GRM5: variants seen among roughly 807,000 people sequenced by gnomAD.
GRM5 encodes glutamate metabotropic receptor 5.
In GRM5, 19 loss-of-function variants were observed where a neutral mutation model predicts 83.1. That is an observed-to-expected ratio of 0.23 (90% CI 0.16 to 0.34). The LOEUF is 0.34. GRM5 is among the 10% of genes least tolerant of loss of function. The probability of loss-of-function intolerance (pLI) is 1.00; values close to 1 mark genes in which losing one functional copy is unlikely to be tolerated. For synonymous variants in GRM5, 675 were observed against 633.6 expected (o/e 1.07, Z -0.98); for missense variants, 1,160 against 1,588.3 (o/e 0.73, Z 4.58).
chr11:88,688,206 C>T (rs1179545605), intron 3 of GRM5, among the ~76,000 whole-genome samples: 3 of 152,084 alleles, frequency 2.0e-5, no homozygotes, highest in African/African-American at 4.8e-5. Flanking sequence ...AATATTTAAA[C>T]TCAGAATCAG....
chr11:88,563,934 A>C (rs1942814711), intron 8 of GRM5, among the ~76,000 whole-genome samples: 1 of 152,154 alleles, frequency 6.6e-6, no homozygotes, highest in African/African-American at 2.4e-5. Flanking sequence ...GAGAAGAAAT[A>C]TTTAGTTTTG....
rs552549112 is a variant in GRM5, at chr11:88,919,932, G to A, written c.662-69777C>T. Among the ~76,000 whole-genome samples, 3 of 151,904 alleles carry A rather than the reference G, an allele frequency of 2.0e-5. No homozygotes were observed. In the South Asian group the frequency reaches 6.2e-4, roughly 32 times the overall value. On this transcript the variant is annotated intron_variant, in intron 2 of 9. Transcript: ENST00000305447. ...AAGAGGAAAGTTTATACCAATAAGT[G>A]CCTACATTAAAAAGGCATATAAATT...
chr11:88,720,912 T>C (rs57651366), intron 3 of GRM5, among the ~76,000 whole-genome samples: 3,662 of 151,314 alleles, frequency 0.024, 145 homozygotes, highest in African/African-American at 0.082. Flanking sequence ...TCCAGTAAGG[T>C]TCACAATATC....
chr11:88,688,283 A>G (rs992647759), intron 3 of GRM5, among the ~76,000 whole-genome samples: 2 of 152,198 alleles, frequency 1.3e-5, no homozygotes, highest in African/African-American at 4.8e-5. Context: ...ACAACTAGTT[A>G]TTATATAATC....
chr11:88,798,231 A>G (rs1943320153), intron 3 of GRM5, among the ~76,000 whole-genome samples: 1 of 152,210 alleles, frequency 6.6e-6, no homozygotes. Context: ...ATCATTGGAT[A>G]TGACAATATC....
At chr11:88,915,893 G>C (rs1318184370) in intron 2 of GRM5, among the ~76,000 whole-genome samples, 1 of 152,088 alleles carries the variant, frequency 6.6e-6, no homozygotes, top group African/African-American at 2.4e-5. Context: ...AAAACTGAAG[G>C]CCGAATAGTC....
intron 3 of GRM5, among the ~76,000 whole-genome samples, chr11:88,762,407 G>A (rs1264573933): frequency 2.0e-5 from 3 of 151,858 alleles, no homozygotes; most frequent in African/African-American, 7.3e-5. Flanking sequence ...ATACATATTT[G>A]CAGCCAACAA....
chr11:89,035,300 A>G (rs1418659639), intron 2 of GRM5, among the ~76,000 whole-genome samples: 1 of 151,794 alleles, frequency 6.6e-6, no homozygotes, highest in Non-Finnish European at 1.5e-5. Context: ...GTACTTCAGT[A>G]TGTCTTACTT....
At chr11:88,630,463 T>A (rs1361751446) in intron 4 of GRM5, among the ~76,000 whole-genome samples, 1 of 151,904 alleles carries the variant, frequency 6.6e-6, no homozygotes, top group Non-Finnish European at 1.5e-5. Context: ...AAGTACTAGA[T>A]CATATATTTG....
rs747250561 is a variant in GRM5, at chr11:88,603,635, G to GA, written c.1394+1082dup. Among the ~76,000 whole-genome samples, 1,021 of 151,152 alleles carry GA rather than the reference G, an allele frequency of 6.8e-3. 9 individuals carry two copies. The highest frequency in any genetic ancestry group is 0.018 in the African/African-American group (758 of 41,472). On this transcript the variant is annotated intron_variant, in intron 5 of 9. Coordinates refer to ENST00000305447, the MANE Select transcript of GRM5 (RefSeq NM_001143831.3). ...CAATATTCTTCAAGTCTCTGGAATAGAAGAAAAAAAACCTGGGTTTTCACT... is the reference window on the plus strand; with the variant it reads ...CAATATTCTTCAAGTCTCTGGAATAGAAAGAAAAAAAACCTGGGTTTTCACT...
intron 2 of GRM5, among the ~76,000 whole-genome samples, chr11:88,889,121 C>A (rs1047566444): frequency 4.6e-5 from 7 of 152,154 alleles, no homozygotes; most frequent in African/African-American, 1.7e-4. Context: ...AAGCACTAAT[C>A]TTGAGGGCTA....
rs1017778317 is a variant in GRM5, at chr11:88,655,873, G to A, written c.912-2470C>T. 2.6e-5 allele frequency among the ~76,000 whole-genome samples: 4 copies of A among 151,922 alleles called. No individual in the cohort carries two copies. The South Asian group carries it at 8.3e-4, about 32-fold the overall frequency. ...TCCCAATATCTATGTGACAAAACAG[G>A]GTCATTCTATTTAAATTTTTGGATA... is the stretch of plus-strand genomic sequence containing the variant. On this transcript the variant is annotated intron_variant, in intron 3 of 9. Coordinates refer to ENST00000305447, the MANE Select transcript of GRM5 (RefSeq NM_001143831.3).
intron 3 of GRM5, among the ~76,000 whole-genome samples, chr11:88,825,434 T>C (rs72952913): frequency 0.048 from 7,348 of 152,272 alleles, 255 homozygotes; most frequent in Non-Finnish European, 0.079. Flanking sequence ...CCAGAGACAG[T>C]CTTTACTTTC....
At chr11:88,804,084 A>G (rs1327455795) in intron 3 of GRM5, among the ~76,000 whole-genome samples, 8 of 152,198 alleles carry the variant, frequency 5.3e-5, no homozygotes, top group African/African-American at 7.2e-5. Flanking sequence ...TTACACTGTT[A>G]GTGGGACTAT....
chr11:89,056,847 T>C (rs1941886630), intron 1 of GRM5, among the ~76,000 whole-genome samples: 1 of 152,204 alleles, frequency 6.6e-6, no homozygotes, highest in Non-Finnish European at 1.5e-5. Context: ...GTGTTATATT[T>C]GTGGGTCCTT....
chr11:88,967,180 C>T (rs1178693953), intron 2 of GRM5, among the ~76,000 whole-genome samples: 2 of 150,840 alleles, frequency 1.3e-5, no homozygotes, highest in African/African-American at 2.4e-5. Flanking sequence ...TTACCAAACT[C>T]ACTAAAGAAG....
intron 3 of GRM5, among the ~76,000 whole-genome samples, chr11:88,669,859 A>T (rs1027067422): frequency 3.3e-5 from 5 of 152,050 alleles, no homozygotes; most frequent in Admixed American, 1.3e-4. Context: ...AAAGTCGATT[A>T]CAGATGGATT....
intron 3 of GRM5, among the ~76,000 whole-genome samples, chr11:88,734,028 A>G (rs556416648): frequency 7.2e-5 from 11 of 152,154 alleles, no homozygotes; most frequent in Admixed American, 1.3e-4. Context: ...CTGGGAATAT[A>G]CAAGATTATT....
At chr11:88,986,889 T>C (rs1336899129) in intron 2 of GRM5, among the ~76,000 whole-genome samples, 2 of 152,056 alleles carry the variant, frequency 1.3e-5, no homozygotes, top group East Asian at 1.9e-4. Flanking sequence ...AATTTTTGTA[T>C]GTAAGACAAG....
Sources: allele counts gnomAD v4.1 joint callset (sites outside exome capture counted in the v4.1 genomes callset), GRCh38; gene constraint gnomAD v4.1.1; transcripts MANE v1.5; gene names NCBI Gene and HGNC (gene_info 2026-07-23, HGNC 2026-07-21).